ADARB2: variants seen among roughly 807,000 people sequenced by gnomAD.
ADARB2 encodes the protein inactive double-stranded RNA-specific editase B2.
ADARB2 carries 25 observed loss-of-function variants against 62.2 expected under a neutral mutation model. The observed-to-expected ratio is 0.40, with a 90% CI of 0.29 to 0.56. ADARB2 has a LOEUF of 0.56. Among genes scored for constraint, ADARB2 ranks in the 20% least tolerant of loss-of-function variants. The pLI, the probability that ADARB2 is intolerant of heterozygous loss-of-function variation, is 0.43. For synonymous variants in ADARB2, 572 were observed against 500.8 expected (o/e 1.14, Z -1.90); for missense variants, 1,071 against 1,077.4 (o/e 0.99, Z 0.08).
intron 1 of ADARB2, among the ~76,000 whole-genome samples, chr10:1,495,232 C>T (rs1403878365): frequency 6.6e-6 from 1 of 152,142 alleles, no homozygotes; most frequent in Non-Finnish European, 1.5e-5. Context: ...AAGCACATGG[C>T]TTTAAGAGAA....
At chr10:1,206,011 T>TG in intron 7 of ADARB2, among the ~76,000 whole-genome samples, 3 of 151,170 alleles carry the variant, frequency 2.0e-5, no homozygotes, top group African/African-American at 4.9e-5. Context: ...GGTCAGGTGG[T>TG]TCACGGGGCA....
At chr10:1,675,455 G>T (rs1429469861) in intron 1 of ADARB2, 7 of 983,718 alleles carry the variant, frequency 7.1e-6, no homozygotes, top group Non-Finnish European at 8.4e-6. Context: ...GAGGTGCATG[G>T]ATGTTCTGGA....
At chr10:1,187,374 CCCT>C (rs1270358392) in intron 8 of ADARB2, among the ~76,000 whole-genome samples, 3 of 151,828 alleles carry the variant, frequency 2.0e-5, no homozygotes, top group African/African-American at 2.4e-5. Context: ...AGGCGGCCTC[CCCT>C]CCTCCTCCCG....
At chr10:1,706,057 T>A (rs1280460875) in intron 1 of ADARB2, among the ~76,000 whole-genome samples, 1 of 152,230 alleles carries the variant, frequency 6.6e-6, no homozygotes, top group Non-Finnish European at 1.5e-5. Flanking sequence ...TTAGCTGTGA[T>A]TAGTGGAGCT....
chr10:1,199,635 GGGCAGGT>G, intron 8 of ADARB2: 1 of 258,952 alleles, frequency 3.9e-6, no homozygotes. Context: ...GTGGGCAGGT[GGGCAGGT>G]GGGCGGCCAG....
At chr10:1,299,027 G>A (rs559414095) in intron 3 of ADARB2, among the ~76,000 whole-genome samples, 1 of 152,112 alleles carries the variant, frequency 6.6e-6, no homozygotes, top group Non-Finnish European at 1.5e-5. Flanking sequence ...TGACAGGTGT[G>A]AGCCACAGTG....
chr10:1,509,482 G>A (rs926681341), intron 1 of ADARB2, among the ~76,000 whole-genome samples: 4 of 152,128 alleles, frequency 2.6e-5, no homozygotes, highest in African/African-American at 7.2e-5. Context: ...ATATTCACCC[G>A]GGGACAGAGG....
chr10:1,248,071 G>A (rs1388192864), intron 4 of ADARB2, among the ~76,000 whole-genome samples: 2 of 152,232 alleles, frequency 1.3e-5, no homozygotes, highest in African/African-American at 4.8e-5. Flanking sequence ...GCTGGGTCGG[G>A]GATGCTCCAG....
chr10:1,733,721 G>A (rs551346591), intron 1 of ADARB2, among the ~76,000 whole-genome samples: 2 of 152,090 alleles, frequency 1.3e-5, no homozygotes, highest in Non-Finnish European at 2.9e-5. Context: ...TCTAATACAG[G>A]CAGATATTAC....
rs538309392 is a variant in ADARB2 at position 1,669,465 on chromosome 10, A to AAC, written c.100+67584_100+67585dup. On this transcript the variant is annotated intron_variant, in intron 1 of 9. Transcript: ENST00000381312. ...GCAGACACACAAACAGGGAGACACA[A>AAC]ACACAGACACAGACACACACACACT... 3.4e-3 allele frequency among the ~76,000 whole-genome samples: 508 copies of AAC among 150,546 alleles called. 4 individuals carry two copies. Among genetic ancestry groups the AAC allele is most frequent in the African/African-American group, 0.012 (480 of 40,982 alleles).
chr10:1,375,326 G>T (rs1464434127), intron 2 of ADARB2, among the ~76,000 whole-genome samples: 1 of 152,220 alleles, frequency 6.6e-6, no homozygotes. Context: ...AACTGCCCCA[G>T]GGCAGACACG....
At chr10:1,707,004 C>T (rs1287182059) in intron 1 of ADARB2, among the ~76,000 whole-genome samples, 1 of 152,070 alleles carries the variant, frequency 6.6e-6, no homozygotes, top group Admixed American at 6.5e-5. Context: ...TTCCTCTCTT[C>T]AGGTACCCGG....
At chr10:1,418,608 C>A (rs111710407) in intron 1 of ADARB2, among the ~76,000 whole-genome samples, 2,222 of 152,288 alleles carry the variant, frequency 0.015, 21 homozygotes, top group Middle Eastern at 0.034. Flanking sequence ...CTTCTGGTGT[C>A]TTGAGGAAAT....
chr10:1,581,826 ATGTG>A (rs56180704), intron 1 of ADARB2, among the ~76,000 whole-genome samples: 26,160 of 148,322 alleles, frequency 0.18, 2,669 homozygotes, highest in Non-Finnish European at 0.22. Context: ...TTAGAAATAG[ATGTG>A]TGTGTGTGTG....
At chr10:1,432,411 G>T (rs1830785093) in intron 1 of ADARB2, among the ~76,000 whole-genome samples, 4 of 151,794 alleles carry the variant, frequency 2.6e-5, no homozygotes, top group Admixed American at 2.6e-4. Flanking sequence ...TATGAAGGAA[G>T]CTCACGCCCC....
chr10:1,508,508 A>C (rs868541864), intron 1 of ADARB2, among the ~76,000 whole-genome samples: 1 of 152,210 alleles, frequency 6.6e-6, no homozygotes, highest in Non-Finnish European at 1.5e-5. Context: ...AGCTGGGCAC[A>C]GTGGCTCACG....
intron 1 of ADARB2, among the ~76,000 whole-genome samples, chr10:1,614,661 C>T (rs927698720): frequency 6.6e-6 from 1 of 152,180 alleles, no homozygotes; most frequent in Admixed American, 6.5e-5. Context: ...CCTGTCATCC[C>T]AGCACTTTGG....
At chr10:1,690,970 C>T (rs947312281) in intron 1 of ADARB2, among the ~76,000 whole-genome samples, 3 of 152,198 alleles carry the variant, frequency 2.0e-5, no homozygotes, top group Admixed American at 1.3e-4. Context: ...CTCAACCCCA[C>T]GCTGTGCCCC....
Position 1,234,453 on chromosome 10 carries a change from C to T in ADARB2, c.1362-608G>A, listed in dbSNP as rs115156409. 1.9e-3 allele frequency among the ~76,000 whole-genome samples: 286 copies of T among 152,210 alleles called. 2 individuals carry two copies. Among genetic ancestry groups the T allele is most frequent in the African/African-American group, 6.5e-3 (271 of 41,540 alleles). On this transcript the variant is annotated intron_variant, in intron 5 of 9. Transcript: ENST00000381312. ...CTGTCAGGGTTATTATTATTCTTTT[C>T]TAAAGATAAGGTCTTGCTCTGTTGC...
Sources: allele counts gnomAD v4.1 joint callset (sites outside exome capture counted in the v4.1 genomes callset), GRCh38; gene constraint gnomAD v4.1.1; transcripts MANE v1.5; gene names NCBI Gene and HGNC (gene_info 2026-07-23, HGNC 2026-07-21).